The following GALNT7 variants were observed in gnomAD, a reference collection of about 807,000 sequenced individuals.
GALNT7 encodes the protein N-acetylgalactosaminyltransferase 7.
Under a neutral mutation model 82.1 loss-of-function variants are expected in GALNT7, and 60 were observed. The ratio of observed to expected loss-of-function variants is 0.73; its 90% CI spans 0.59 to 0.91. GALNT7 has a LOEUF of 0.91. Ranked by LOEUF, GALNT7 falls within the 40% of genes least tolerant of loss-of-function variation. GALNT7 has a pLI of 0.00. For missense variants in GALNT7, 660 were observed against 804.2 expected, an observed-to-expected ratio of 0.82 and a Z score of 2.17; for synonymous variants, 243 against 275.1, an observed-to-expected ratio of 0.88 and a Z score of 1.15.
intron 1 of GALNT7, among the ~76,000 whole-genome samples, chr4:173,184,043 C>T (rs899599754): frequency 1.5e-4 from 22 of 151,694 alleles, no homozygotes; most frequent in Admixed American, 5.2e-4. Flanking sequence ...AGACGATGGG[C>T]GGCCGGGCAG....
intron 1 of GALNT7, among the ~76,000 whole-genome samples, chr4:173,205,244 G>C (rs561174161): frequency 6.6e-6 from 1 of 152,124 alleles, no homozygotes; most frequent in Non-Finnish European, 1.5e-5. Flanking sequence ...GTGACCTTGA[G>C]AGGCTGACCA....
chr4:173,266,814 A>T (rs186697009), intron 2 of GALNT7, among the ~76,000 whole-genome samples: 22 of 151,192 alleles, frequency 1.5e-4, no homozygotes, highest in Non-Finnish European at 2.9e-4. Context: ...GAAGCTAAAA[A>T]ATTTGATCTC....
intron 1 of GALNT7, among the ~76,000 whole-genome samples, chr4:173,239,708 G>T (rs942240351): frequency 4.6e-5 from 7 of 152,176 alleles, no homozygotes; most frequent in African/African-American, 1.7e-4. Context: ...AGACATTACA[G>T]TGTTAACACA....
At chr4:173,279,112 G>C (rs1736016378) in intron 2 of GALNT7, among the ~76,000 whole-genome samples, 1 of 152,146 alleles carries the variant, frequency 6.6e-6, no homozygotes, top group Admixed American at 6.5e-5. Flanking sequence ...GAATAACAGA[G>C]ACCGGGTAAT....
intron 2 of GALNT7, among the ~76,000 whole-genome samples, chr4:173,256,159 A>G (rs920753387): frequency 3.3e-5 from 5 of 152,206 alleles, no homozygotes; most frequent in African/African-American, 9.6e-5. Flanking sequence ...AGTGAAAGAA[A>G]TGGGGAGTTT....
chr4:173,308,662 G>A (rs12499340), intron 8 of GALNT7, among the ~76,000 whole-genome samples: 3,395 of 152,168 alleles, frequency 0.022, 168 homozygotes, highest in Admixed American at 0.12. Flanking sequence ...CCCAGCACTC[G>A]GGGAGGCCGA....
chr4:173,321,975 G>T lies in GALNT7; in HGVS notation c.*258G>T. Reference sequence around the variant, plus strand: ...TTTGTTGTGTTTTAAGATGATGTTGGTAATTTGTGCCTTTAGCTCTGTTTT... The same window carrying T: ...TTTGTTGTGTTTTAAGATGATGTTGTTAATTTGTGCCTTTAGCTCTGTTTT... On this transcript the variant is annotated 3_prime_UTR_variant, in exon 12 of 12. Coordinates refer to ENST00000265000, the MANE Select transcript of GALNT7 (RefSeq NM_017423.3). The T allele has an allele frequency of 6.7e-6, 2 of 300,746 alleles. No individual in the cohort carries two copies. Among genetic ancestry groups the T allele is most frequent in the Non-Finnish European group, 1.3e-5 (2 of 157,858 alleles). The allele number at this position is 300,746 out of a possible 1,614,324, so 18.6% of individuals were successfully genotyped here.
rs1490953734 is a variant in GALNT7, at chr4:173,320,566, T to C, written c.1837-1014T>C. Among the ~76,000 whole-genome samples the C allele has an allele frequency of 6.6e-6, 1 of 152,116 alleles. No individual in the cohort carries two copies. Among genetic ancestry groups the C allele is most frequent in the Non-Finnish European group, 1.5e-5 (1 of 68,002 alleles). On this transcript the variant is annotated intron_variant, in intron 11 of 11. Transcript: ENST00000265000. The surrounding 1 kb of genome is among the most constrained non-coding windows in gnomAD (Gnocchi z 4.1). ...CTGAAATGTTGTTTTCGTTCAAGTA[T>C]ATGAGGGAAACCCAGCCCCACACAA...
intron 1 of GALNT7, among the ~76,000 whole-genome samples, chr4:173,220,503 A>ATTT (rs1733609917): frequency 2.0e-5 from 3 of 151,706 alleles, no homozygotes; most frequent in African/African-American, 4.8e-5. Flanking sequence ...TCTTTTTTTA[A>ATTT]AAAAATTATT....
Position 173,168,892 on chromosome 4 carries a change from G to A in GALNT7, c.57G>A (p.Leu19=). 2.5e-6 allele frequency: 4 copies of A among 1,613,754 alleles called. No homozygotes were observed. Among genetic ancestry groups the A allele is most frequent in the Admixed American group, 1.7e-5 (1 of 60,024 alleles). Residue 19 remains leucine (L), a synonymous_variant, in exon 1 of 12, where the codon CTG becomes CTA. Transcript: ENST00000265000. ...LRSLLVVGSF[L]GLVVLWSSLT... Reference sequence around the variant, plus strand: ...GTTTGCTGGTGGTGGGAAGCTTCCTGGGGCTAGTGGTCCTCTGGTCTTCCC... The same window carrying A: ...GTTTGCTGGTGGTGGGAAGCTTCCTAGGGCTAGTGGTCCTCTGGTCTTCCC...
intron 2 of GALNT7, among the ~76,000 whole-genome samples, chr4:173,255,710 G>C (rs1735012734): frequency 6.6e-6 from 1 of 152,142 alleles, no homozygotes. Context: ...CTCAGTGTTT[G>C]AGCTAACAGT....
chr4:173,191,737 A>G (rs925095157), intron 1 of GALNT7, among the ~76,000 whole-genome samples: 1 of 152,202 alleles, frequency 6.6e-6, no homozygotes, highest in East Asian at 1.9e-4. Context: ...TTTCTATTGC[A>G]GTCTAGAGTT....
chr4:173,257,169 C>T (rs1296544835), intron 2 of GALNT7, among the ~76,000 whole-genome samples: 3 of 152,214 alleles, frequency 2.0e-5, no homozygotes, highest in Non-Finnish European at 4.4e-5. Flanking sequence ...AGGCTTCCTT[C>T]CTCTCATTCT....
chr4:173,194,765 A>AAGCAT (rs1732726971), intron 1 of GALNT7, among the ~76,000 whole-genome samples: 1 of 152,132 alleles, frequency 6.6e-6, no homozygotes, highest in African/African-American at 2.4e-5. Context: ...CATTAGGTAT[A>AAGCAT]TCTCCTAATG....
At chr4:173,184,583 C>T (rs1277493014) in intron 1 of GALNT7, among the ~76,000 whole-genome samples, 1 of 137,490 alleles carries the variant, frequency 7.3e-6, no homozygotes, top group Non-Finnish European at 1.5e-5. Context: ...CAGAGGGAGA[C>T]CAGGGAGAGG....
At chr4:173,245,232 A>T (rs1412489370) in intron 1 of GALNT7, among the ~76,000 whole-genome samples, 1 of 131,194 alleles carries the variant, frequency 7.6e-6, no homozygotes, top group Non-Finnish European at 1.7e-5. Context: ...AAAAAAAAAA[A>T]ACAACTTTTG....
chr4:173,192,282 A>C (rs2126641884), intron 1 of GALNT7, among the ~76,000 whole-genome samples: 1 of 152,256 alleles, frequency 6.6e-6, no homozygotes, highest in Non-Finnish European at 1.5e-5. Context: ...TCCTTGTTTC[A>C]GAATTTTGTA....
At chr4:173,176,334 G>A (rs941836960) in intron 1 of GALNT7, among the ~76,000 whole-genome samples, 1 of 152,306 alleles carries the variant, frequency 6.6e-6, no homozygotes, top group East Asian at 1.9e-4. Context: ...GCTTGAAGAT[G>A]TAGTCAGGAC....
rs377221327 is a variant in GALNT7 at position 173,295,360 on chromosome 4, G to A, written c.755-36G>A. On this transcript the variant is annotated intron_variant, in intron 3 of 11. Transcript: ENST00000265000. ...AATAATAACTAATTGGTTTCTATTCGTCTAATTTATAATATCGATTGATTT... is the reference window on the plus strand; with the variant it reads ...AATAATAACTAATTGGTTTCTATTCATCTAATTTATAATATCGATTGATTT... 484 of 1,393,288 alleles carry A rather than the reference G, an allele frequency of 3.5e-4. 2 individuals are homozygous for A. Among genetic ancestry groups the A allele is most frequent in the Admixed American group, 7.3e-4 (43 of 58,568 alleles). 86.3% of individuals were successfully genotyped at this position (1,393,288 alleles called of 1,614,324 possible).
Sources: allele counts gnomAD v4.1 joint callset (sites outside exome capture counted in the v4.1 genomes callset), GRCh38; gene constraint gnomAD v4.1.1; non-coding constraint Gnocchi (gnomAD v3.1); transcripts MANE v1.5; gene names NCBI Gene and HGNC (gene_info 2026-07-23, HGNC 2026-07-21).